Variants in COL6A2 observed in about 807,000 individuals in gnomAD.
COL6A2 encodes collagen type VI alpha 2 chain, also known as collagen alpha-2(VI) chain.
A neutral mutation model predicts 124.9 loss-of-function variants in COL6A2; 90 were observed. The observed-to-expected ratio is 0.72, with a 90% CI of 0.61 to 0.86. COL6A2 has a LOEUF of 0.86. Among genes scored for constraint, COL6A2 ranks in the 40% least tolerant of loss-of-function variants. The probability of loss-of-function intolerance (pLI) is 0.00; values close to 1 mark genes in which losing one functional copy is unlikely to be tolerated. For synonymous variants in COL6A2, 793 were observed against 618.2 expected, an observed-to-expected ratio of 1.28 and a Z score of -4.19; for missense variants, 1,607 against 1,502.5, an observed-to-expected ratio of 1.07 and a Z score of -1.15.
At chr21:46,129,148 C>T (rs373497786) in intron 27 of COL6A2, 81 of 1,611,376 alleles carry the variant, frequency 5.0e-5, no homozygotes, top group South Asian at 2.4e-4. Context: ...AGCTCTAGGC[C>T]GACGCCCACC....
In COL6A2 at chr21:46,117,949, G is replaced by A; in HGVS notation, c.1116+13G>A. On this transcript the variant is annotated intron_variant, in intron 12 of 27. Transcript: ENST00000300527. ...CCAAGGCGGCAAGGTAAGTGGCCTT[G>A]TCAGGGTACGGGGCAGGCGGGGTCA... 1.2e-6 allele frequency: 2 copies of A among 1,611,312 alleles called. No individual in the cohort carries two copies. Among genetic ancestry groups the A allele is most frequent in the Non-Finnish European group, 1.7e-6 (2 of 1,178,994 alleles).
At chr21:46,131,234 C>T (rs1324026071) in intron 27 of COL6A2, among the ~76,000 whole-genome samples, 3 of 152,224 alleles carry the variant, frequency 2.0e-5, no homozygotes, top group East Asian at 3.8e-4. Context: ...TCTCTGGCCC[C>T]ACGTGACACC....
intron 1 of COL6A2, among the ~76,000 whole-genome samples, chr21:46,107,781 C>G (rs1181059919): frequency 6.6e-6 from 1 of 152,312 alleles, no homozygotes; most frequent in East Asian, 1.9e-4. Flanking sequence ...AGCCATCTCT[C>G]CCCGCTTTGA....
At position 46,118,825 on chromosome 21, in the gene COL6A2, C is replaced by T. The variant is rs1160055020; in HGVS notation, c.1179+149C>T. The T allele has an allele frequency of 1.4e-5, 15 of 1,105,560 alleles. No individual in the cohort carries two copies. In the Middle Eastern group the frequency reaches 1.0e-3, roughly 75 times the overall value. The allele number at this position is 1,105,560 out of a possible 1,614,324, so 68.5% of individuals were successfully genotyped here. On this transcript the variant is annotated intron_variant, in intron 13 of 27. Transcript: ENST00000300527. The stretch of plus-strand genomic sequence containing the variant: ...ACGGGGAGGGACAGGAAGAACAGGC[C>T]ATGTGCCCTGAGCCACCAGCCCCTC...
chr21:46,128,702 A>C (rs759464829), intron 27 of COL6A2, among the ~76,000 whole-genome samples: 2 of 152,224 alleles, frequency 1.3e-5, no homozygotes, highest in Non-Finnish European at 2.9e-5. Flanking sequence ...GTGGAAAGAA[A>C]AGGCAGAGAC....
In COL6A2 at chr21:46,125,557, TTCG is replaced by T. The variant is rs1568939674; in HGVS notation, c.1912_1914del (p.Val638del). The T allele has an allele frequency of 1.1e-5, 17 of 1,612,926 alleles. No individual in the cohort carries two copies. The highest frequency in any genetic ancestry group is 1.7e-5 in the Admixed American group (1 of 60,024). ...CACCAACTTCACACTGGAGAAGAAC[TTCG>T]TCATCAACGTGGTCAACAGGCTGGG... On this transcript the variant is annotated inframe_deletion, in exon 25 of 28. Transcript: ENST00000300527.
At chr21:46,129,235 T>C in intron 27 of COL6A2, 1 of 1,612,860 alleles carries the variant, frequency 6.2e-7, no homozygotes, top group South Asian at 1.1e-5. Context: ...GTCACCTTCC[T>C]CCGCACGGAA....
At position 46,116,926 on chromosome 21, in the gene COL6A2, TACAC is replaced by T. The variant is rs59060956; in HGVS notation, c.999+139_999+142del. On this transcript the variant is annotated intron_variant, in intron 10 of 27. Coordinates refer to ENST00000300527, the MANE Select transcript of COL6A2 (RefSeq NM_001849.4). This position sits in a 1 kb window ranked among gnomAD's most constrained non-coding sequence, Gnocchi z 4.6. ...CAGCTTACACATGTGTACACACGCA[TACAC>T]ACACACACACACACACACACACACA... is the stretch of plus-strand genomic sequence containing the variant. The T allele has an allele frequency of 7.5e-3, 4,766 of 635,550 alleles. 5 individuals carry two copies. The highest frequency in any genetic ancestry group is 0.023 in the East Asian group (799 of 34,484). The allele number at this position is 635,550 out of a possible 1,614,324, so 39.4% of individuals were successfully genotyped here.
chr21:46,109,356 T>G (rs937861085), intron 1 of COL6A2, among the ~76,000 whole-genome samples: 1 of 152,128 alleles, frequency 6.6e-6, no homozygotes, highest in Non-Finnish European at 1.5e-5. Context: ...AGAGGGGAAG[T>G]GCATGCTGAT....
rs140611044 is a variant in COL6A2, at chr21:46,119,773, G to A, written c.1270-15G>A. ...ACTCAGCCCCCTCCCTCACCCACAC[G>A]CCTGTTCTCTGCAGGGGCGCAGGGG... On this transcript the variant is annotated splice_polypyrimidine_tract_variant and intron_variant, in intron 14 of 27. Transcript: ENST00000300527. 19 of 1,556,520 alleles carry A rather than the reference G, an allele frequency of 1.2e-5. No individual in the cohort carries two copies. The East Asian group carries it at 2.1e-4, about 17-fold the overall frequency.
rs965829260 is a variant in COL6A2 at position 46,118,006 on chromosome 21, C to T, written c.1116+70C>T. ...TCCAGGGGCCTCCTGGAGGCAGCCC[C>T]AGCTGAGAAGCTGAGCAGAGAGGGC... is the stretch of plus-strand genomic sequence containing the variant. On this transcript the variant is annotated intron_variant, in intron 12 of 27. Transcript: ENST00000300527. 15 of 1,473,284 alleles carry T rather than the reference C, an allele frequency of 1.0e-5. No homozygotes were observed. The Admixed American group carries it at 2.8e-4, about 27-fold the overall frequency. The allele number at this position is 1,473,284 out of a possible 1,614,324, so 91.3% of individuals were successfully genotyped here.
Position 46,125,472 on chromosome 21 carries a change from G to A in COL6A2, c.1824G>A (p.Glu608=), listed in dbSNP as rs2078647568. The change falls in exon 25 of 28, where the codon GAG becomes GAA. Residue 608 remains glutamate, a synonymous_variant. Transcript: ENST00000300527. ...ACCCTGCCACCCCCCCAGACTGTGA[G>A]AAGCGCTGTGGCGCCCTGGACGTGG... ...VRETCGCCDC[E]KRCGALDVVF... is the part of the protein sequence containing the mutation. 1 of 1,612,810 alleles carries A rather than the reference G, an allele frequency of 6.2e-7. No homozygotes were observed. Among genetic ancestry groups the A allele is most frequent in the South Asian group, 1.1e-5 (1 of 91,082 alleles).
At chr21:46,100,302 C>G (rs539425440) in intron 1 of COL6A2, among the ~76,000 whole-genome samples, 1 of 151,442 alleles carries the variant, frequency 6.6e-6, no homozygotes, top group Non-Finnish European at 1.5e-5. Flanking sequence ...GTTGCCCAGG[C>G]CATGGATGTG....
At chr21:46,121,290 C>T (rs2078562062) in intron 17 of COL6A2, among the ~76,000 whole-genome samples, 167 bp downstream of exon 17, 1 of 152,164 alleles carries the variant, frequency 6.6e-6, no homozygotes, top group Admixed American at 6.5e-5. Flanking sequence ...TACCTCATAC[C>T]CACCCTCAGC....
chr21:46,125,726 G>T, intron 25 of COL6A2, 59 bp from the exon 26 acceptor site: 1 of 1,600,682 alleles, frequency 6.2e-7, no homozygotes, highest in Non-Finnish European at 8.5e-7. Context: ...CCTCTGCATG[G>T]CTGGGGATGC....
intron 15 of COL6A2, 50 bp from the exon 16 acceptor site, chr21:46,120,465 G>A: frequency 1.4e-6 from 2 of 1,472,780 alleles, no homozygotes; most frequent in South Asian, 1.2e-5. Context: ...ATGGGACCCA[G>A]GCCGGAGGCC....
rs886042332 is a variant in COL6A2 at position 46,121,593 on chromosome 21, G to A, written c.1496G>A (p.Gly499Glu). ...RGDPGDAGPR[G>E]DSGQPGPKGD... ...GACCCCGGTGATGCAGGACCCCGTGGAGACTCAGGACAGCCAGGCCCCAAG... is the reference window on the plus strand; with the variant it reads ...GACCCCGGTGATGCAGGACCCCGTGAAGACTCAGGACAGCCAGGCCCCAAG... The change falls in exon 18 of 28, where the codon GGA becomes GAA. Residue 499 changes from glycine (G) to glutamate (E), a missense_variant. Coordinates refer to ENST00000300527, the MANE Select transcript of COL6A2 (RefSeq NM_001849.4). 3.1e-6 allele frequency: 5 copies of A among 1,612,682 alleles called. No individual in the cohort carries two copies. The highest frequency in any genetic ancestry group is 4.2e-6 in the Non-Finnish European group (5 of 1,179,958).
rs1057002808 is a variant in COL6A2 at position 46,126,556 on chromosome 21, C to T, written c.2461+15C>T. On this transcript the variant is annotated intron_variant, in intron 27 of 27. Coordinates refer to ENST00000300527, the MANE Select transcript of COL6A2 (RefSeq NM_001849.4). Reference sequence around the variant, plus strand: ...CTGCCAAACAGGTAATGCAGGGCACCCTGAGCCACCACCCCAGACTAGCAA... The same window carrying T: ...CTGCCAAACAGGTAATGCAGGGCACTCTGAGCCACCACCCCAGACTAGCAA... 14 of 1,613,338 alleles carry T rather than the reference C, an allele frequency of 8.7e-6. No homozygotes were observed. Among genetic ancestry groups the T allele is most frequent in the Non-Finnish European group, 1.2e-5 (14 of 1,179,910 alleles).
chr21:46,117,421 C>T lies in COL6A2; in HGVS notation c.1021C>T (p.Pro341Ser), dbSNP rs2078489585. 5.0e-6 allele frequency: 8 copies of T among 1,612,706 alleles called. No individual in the cohort carries two copies. The highest frequency in any genetic ancestry group is 1.3e-5 in the African/African-American group (1 of 74,934). Reference sequence around the variant, plus strand: ...TCAGGGCAAGCTGGGGCGCATCGGACCTCCTGGCTGCAAGGGAGACCCTGG... The same window carrying T: ...TCAGGGCAAGCTGGGGCGCATCGGATCTCCTGGCTGCAAGGGAGACCCTGG... ...GQKGKLGRIG[P>S]PGCKGDPGNR... Residue 341 changes from proline (P) to serine (S), a missense_variant, in exon 11 of 28, where the codon CCT becomes TCT. Pro to Ser is a moderately conservative substitution (Grantham distance 74, BLOSUM62 -1). Coordinates refer to ENST00000300527, the MANE Select transcript of COL6A2 (RefSeq NM_001849.4).
Sources: allele counts gnomAD v4.1 joint callset (sites outside exome capture counted in the v4.1 genomes callset), GRCh38; gene constraint gnomAD v4.1.1; non-coding constraint Gnocchi (gnomAD v3.1); transcripts MANE v1.5; gene names NCBI Gene and HGNC (gene_info 2026-07-23, HGNC 2026-07-21).